The following DUSP13B variants were observed in gnomAD, a reference collection of about 807,000 sequenced individuals.
DUSP13B encodes dual specificity protein phosphatase 13B.
the DUSP13B span, chr10:75,095,531 AAGCACACCCTCC>A: frequency 1.3e-6 from 2 of 1,569,044 alleles, no homozygotes; most frequent in Non-Finnish European, 1.8e-6. Flanking sequence ...GAGAGTCCTA[AAGCACACCCTCC>A]ACCCTCCACC....
At chr10:75,105,794 G>A in the DUSP13B span, 1 of 1,551,022 alleles carries the variant, frequency 6.4e-7, no homozygotes, top group East Asian at 2.4e-5. Context: ...GACAGCCGCT[G>A]GTGCAGCATG....
At chr10:75,109,191 C>T in the DUSP13B span, 4 of 1,527,456 alleles carry the variant, frequency 2.6e-6, no homozygotes, top group Non-Finnish European at 3.5e-6. Flanking sequence ...CCTCTGTGGT[C>T]ACTCCTCTCT....
At chr10:75,104,175 AAGAG>A in the DUSP13B span, 11 of 1,079,920 alleles carry the variant, frequency 1.0e-5, no homozygotes, top group Non-Finnish European at 1.1e-5. Flanking sequence ...GGGCAGGGAT[AAGAG>A]CTGTCACCTA....
At chr10:75,099,073 G>C in the DUSP13B span, 3 of 1,232,434 alleles carry the variant, frequency 2.4e-6, no homozygotes, top group Non-Finnish European at 3.0e-6. Context: ...CCCCACCCGG[G>C]TCAGGTAGCT....
chr10:75,108,402 G>A, the DUSP13B span: 45 of 1,025,494 alleles, frequency 4.4e-5, 1 homozygote, highest in South Asian at 6.2e-4. Flanking sequence ...CTGAGCCGGC[G>A]GTGTGTGTGT....
At chr10:75,099,763 C>T in the DUSP13B span, 1 of 227,014 alleles carries the variant, frequency 4.4e-6, no homozygotes, top group African/African-American at 2.3e-5. Flanking sequence ...GGAGGAGAGC[C>T]TGGCTCCCCC....
chr10:75,099,458 G>A, the DUSP13B span: 1 of 1,232,584 alleles, frequency 8.1e-7, no homozygotes, highest in Non-Finnish European at 1.0e-6. Context: ...CGGGAATGGG[G>A]GAGTGGGTGC....
chr10:75,106,789 G>A, the DUSP13B span, among the ~76,000 whole-genome samples: 5 of 152,208 alleles, frequency 3.3e-5, no homozygotes, highest in Non-Finnish European at 7.3e-5. Context: ...GTAAATAGCT[G>A]GTGAATGAAT....
the DUSP13B span, chr10:75,097,932 G>A: frequency 2.0e-6 from 3 of 1,497,636 alleles, no homozygotes; most frequent in African/African-American, 2.8e-5. Flanking sequence ...GCTCCCAGAG[G>A]GTGGATCCAG....
chr10:75,098,569 C>T, the DUSP13B span, among the ~76,000 whole-genome samples: 1 of 152,102 alleles, frequency 6.6e-6, no homozygotes, highest in East Asian at 1.9e-4. Flanking sequence ...CGAGACCAGC[C>T]TGGCCAATGA....
At chr10:75,105,782 G>C in the DUSP13B span, 1 of 1,551,322 alleles carries the variant, frequency 6.4e-7, no homozygotes, top group Non-Finnish European at 8.7e-7. Flanking sequence ...GCCTGGCGCA[G>C]GGACAGCCGC....
At chr10:75,095,843 T>A in the DUSP13B span, 1 of 1,575,380 alleles carries the variant, frequency 6.3e-7, no homozygotes, top group Non-Finnish European at 8.7e-7. Context: ...TAGATCTCAC[T>A]GTGGCAGCTC....
At chr10:75,103,745 G>A in the DUSP13B span, 1 of 566,884 alleles carries the variant, frequency 1.8e-6, no homozygotes, top group Non-Finnish European at 2.7e-6. Flanking sequence ...TGAGCCCTGA[G>A]GGGAGCTGCT....
At chr10:75,095,663 G>A in the DUSP13B span, 258,864 of 1,613,992 alleles carry the variant, frequency 0.16, 22,687 homozygotes, top group East Asian at 0.29. Context: ...CGTCCGCCTC[G>A]ATGCCATAGT....
the DUSP13B span, among the ~76,000 whole-genome samples, chr10:75,096,060 G>A: frequency 6.6e-6 from 1 of 152,144 alleles, no homozygotes; most frequent in South Asian, 2.1e-4. Context: ...TTTGAGACCA[G>A]CCTGGCCAAC....
At chr10:75,103,830 A>C in the DUSP13B span, 2 of 1,209,280 alleles carry the variant, frequency 1.7e-6, no homozygotes, top group Non-Finnish European at 2.2e-6. Flanking sequence ...CCACTTTCCC[A>C]GGGAACTTGG....
At chr10:75,100,860 C>T in the DUSP13B span, among the ~76,000 whole-genome samples, 6 of 152,272 alleles carry the variant, frequency 3.9e-5, no homozygotes, top group Admixed American at 6.5e-5. Context: ...TGTGCCTTTG[C>T]AGCCTCCCAT....
At chr10:75,105,882 C>A in the DUSP13B span, 24 of 1,544,796 alleles carry the variant, frequency 1.6e-5, no homozygotes, top group Admixed American at 4.3e-4. Flanking sequence ...AGGAAGACAT[C>A]CTGGTGAAAA....
chr10:75,100,642 C>T, the DUSP13B span, among the ~76,000 whole-genome samples: 12,405 of 152,262 alleles, frequency 0.081, 696 homozygotes, highest in African/African-American at 0.15. Context: ...TGCAGTCTTC[C>T]TTCTCTCCCT....
Sources: allele counts gnomAD v4.1 joint callset (sites outside exome capture counted in the v4.1 genomes callset), GRCh38; gene constraint gnomAD v4.1.1; transcripts MANE v1.5; gene names NCBI Gene and HGNC (gene_info 2026-07-23, HGNC 2026-07-21).